EPG5: variants seen among roughly 807,000 people sequenced by gnomAD.
EPG5 encodes ectopic P-granules 5 autophagy tethering factor.
Under a neutral mutation model 302.7 loss-of-function variants are expected in EPG5, and 159 were observed. That is an observed-to-expected ratio of 0.53 (90% CI 0.46 to 0.60). EPG5 has a LOEUF of 0.60. EPG5 is among the 20% of genes least tolerant of loss of function. The probability of loss-of-function intolerance (pLI) is 0.00; values close to 1 mark genes in which losing one functional copy is unlikely to be tolerated. For synonymous variants in EPG5, 1,158 were observed against 1,136.8 expected (o/e 1.02, Z -0.37); for missense variants, 2,896 against 3,092.4 (o/e 0.94, Z 1.51).
chr18:45,841,377 G>C, the EPG5 span, among the ~76,000 whole-genome samples: 1 of 152,314 alleles, frequency 6.6e-6, no homozygotes, highest in South Asian at 2.1e-4. Context: ...GCCCAGAAAG[G>C]AGGCAGGCAT....
chr18:45,935,803 A>G (rs879359253), intron 10 of EPG5, among the ~76,000 whole-genome samples: 2 of 152,174 alleles, frequency 1.3e-5, no homozygotes, highest in African/African-American at 2.4e-5. Context: ...AGGCTTCCAC[A>G]GTATGGCTCT....
rs746885334 is a variant in EPG5 at position 45,917,766 on chromosome 18, G to A, written c.3152C>T (p.Ser1051Leu). 10 of 1,614,104 alleles carry A rather than the reference G, an allele frequency of 6.2e-6. No homozygotes were observed. Among genetic ancestry groups the A allele is most frequent in the Non-Finnish European group, 8.5e-6 (10 of 1,179,966 alleles). Residue 1051 changes from serine to leucine, a missense_variant, in exon 17 of 44, where the codon TCA becomes TTA. This residue lies in a region of EPG5 where 1,390 missense variants were observed against 1,430.0 expected (regional missense o/e 0.97). Coordinates refer to ENST00000282041, the MANE Select transcript of EPG5 (RefSeq NM_020964.3). ...GIPLLGILVQ[S>L]RHLRTVVHVL... The stretch of plus-strand genomic sequence containing the variant: ...ATGAACCACTGTTCTCAAATGTCTT[G>A]ACTGGACCAGAATTCCCAATAGTGG...
chr18:45,954,398 A>T lies in EPG5; in HGVS notation c.1004T>A (p.Val335Glu), dbSNP rs376346776. ...LWQFKEEQMS[V>E]QGICADQVKV... is the part of the protein sequence containing the mutation. ...CCAGGCTTCTGATCAAAATACCTGT[A>T]CAGACATTTGTTCCTCCTTAAACTG... Residue 335 changes from valine (V) to glutamate (E), a missense_variant, in exon 2 of 44, where the codon GTA (valine) becomes GAA (glutamate). This residue lies in a region of EPG5 where 1,390 missense variants were observed against 1,430.0 expected (regional missense o/e 0.97). Coordinates refer to ENST00000282041, the MANE Select transcript of EPG5 (RefSeq NM_020964.3). 3 of 1,602,012 alleles carry T rather than the reference A, an allele frequency of 1.9e-6. No individual in the cohort carries two copies. The African/African-American group carries it at 4.0e-5, about 21-fold the overall frequency.
At chr18:45,918,918 T>C (rs2050090229) in intron 16 of EPG5, among the ~76,000 whole-genome samples, 1 of 152,214 alleles carries the variant, frequency 6.6e-6, no homozygotes, top group African/African-American at 2.4e-5. Flanking sequence ...TTCTGCAGTT[T>C]GGTTATACTG....
Position 45,923,300 on chromosome 18 carries a change from A to G in EPG5, c.2806T>C (p.Tyr936His). The G allele has an allele frequency of 6.2e-7, 1 of 1,614,002 alleles. No individual in the cohort carries two copies. The highest frequency in any genetic ancestry group is 8.5e-7 in the Non-Finnish European group (1 of 1,179,946). Residue 936 changes from tyrosine (Y) to histidine (H), a missense_variant, in exon 15 of 44, where the codon TAT becomes CAT. This residue lies in a region of EPG5 where 1,390 missense variants were observed against 1,430.0 expected (regional missense o/e 0.97). Coordinates refer to ENST00000282041, the MANE Select transcript of EPG5 (RefSeq NM_020964.3). ...AYQKYLAQKP[Y>H]AGILSESMKQ... ...ATACTTTCAGAGAGAATCCCAGCAT[A>G]TGGCTTCTGTGCAAGGTACTTCTGA... is the stretch of plus-strand genomic sequence containing the variant.
At chr18:45,852,792 G>A (rs998078020) in intron 43 of EPG5, 143 bp from the exon 44 acceptor site, 36 of 707,608 alleles carry the variant, frequency 5.1e-5, no homozygotes, top group Middle Eastern at 2.8e-4. Flanking sequence ...CCAGGAGTCC[G>A]GAAGGCAGGC....
chr18:45,842,438 T>A, the EPG5 span: 11 of 497,012 alleles, frequency 2.2e-5, no homozygotes, highest in African/African-American at 1.7e-4. Context: ...TGTGTGTGTG[T>A]GTGTGAGAGA....
At chr18:45,954,235 C>G (rs2050973678) in intron 2 of EPG5, among the ~76,000 whole-genome samples, 159 bp downstream of exon 2, 1 of 152,218 alleles carries the variant, frequency 6.6e-6, no homozygotes, top group Admixed American at 6.5e-5. Flanking sequence ...CCAGCTTATA[C>G]ACCTGGCTCC....
intron 35 of EPG5, among the ~76,000 whole-genome samples, chr18:45,873,367 G>A (rs544401070): frequency 3.1e-4 from 47 of 152,040 alleles, no homozygotes; most frequent in Admixed American, 2.4e-3. Context: ...AAAATCAGCC[G>A]GGTGTGGTGG....
At chr18:45,954,342 T>C (rs920758268) in intron 2 of EPG5, 52 bp downstream of exon 2, 12 of 1,495,816 alleles carry the variant, frequency 8.0e-6, no homozygotes, top group Non-Finnish European at 1.1e-5. Flanking sequence ...CTGGACAACA[T>C]CCCAGGAATA....
chr18:45,888,377 C>G (rs2049264612), intron 28 of EPG5, among the ~76,000 whole-genome samples: 1 of 152,134 alleles, frequency 6.6e-6, no homozygotes, highest in African/African-American at 2.4e-5. Flanking sequence ...AATCTCAGCT[C>G]ACTGCAACCT....
intron 27 of EPG5, among the ~76,000 whole-genome samples, chr18:45,895,983 C>A (rs983808721): frequency 1.3e-5 from 2 of 152,156 alleles, no homozygotes; most frequent in African/African-American, 4.8e-5. Flanking sequence ...CTGAGCAAAA[C>A]GAACAACTTG....
chr18:45,840,725 A>C, the EPG5 span, among the ~76,000 whole-genome samples: 15 of 152,174 alleles, frequency 9.9e-5, no homozygotes, highest in African/African-American at 3.6e-4. Flanking sequence ...AAAGAACTCA[A>C]TTCATAGACC....
the EPG5 span, among the ~76,000 whole-genome samples, chr18:45,807,261 C>G: frequency 6.6e-6 from 1 of 152,166 alleles, no homozygotes; most frequent in South Asian, 2.1e-4. Context: ...ACATGCCTAG[C>G]CCTGCCCCCA....
At chr18:45,949,438 A>C in intron 5 of EPG5, 46 bp downstream of exon 5, 2 of 1,170,292 alleles carry the variant, frequency 1.7e-6, no homozygotes, top group Non-Finnish European at 2.5e-6. Flanking sequence ...ATGTCTAATA[A>C]AACCTCTCCC....
chr18:45,916,131 T>C lies in EPG5; in HGVS notation c.3460A>G (p.Ile1154Val), dbSNP rs900190158. ...TCTCGGTACCAGAGATGCTGGCTTATGAGAGCCTGAACCCAGAACTCCAAC... is the reference window on the plus strand; with the variant it reads ...TCTCGGTACCAGAGATGCTGGCTTACGAGAGCCTGAACCCAGAACTCCAAC... ...AVLEFWVQALISQHLWYREQP... is the reference protein window; with the variant it reads ...AVLEFWVQALVSQHLWYREQP... The change falls in exon 19 of 44, where the codon ATA becomes GTA. Residue 1154 changes from isoleucine (I) to valine (V), a missense_variant. Ile to Val is a conservative substitution (Grantham distance 29). Around this residue, in one of 5 missense-constraint regions of EPG5, gnomAD observed 1,390 missense variants for 1,430.0 expected, o/e 0.97. Transcript: ENST00000282041. 8.1e-6 allele frequency: 13 copies of C among 1,614,152 alleles called. No individual in the cohort carries two copies. In the East Asian group the frequency reaches 2.7e-4, roughly 33 times the overall value.
In EPG5 at chr18:45,899,559, C is replaced by G; in HGVS notation, c.4654G>C (p.Ala1552Pro). Residue 1552 changes from alanine to proline, a missense_variant, in exon 27 of 44, where the codon GCT (alanine) becomes CCT (proline). Around this residue, in one of 5 missense-constraint regions of EPG5, gnomAD observed 790 missense variants for 798.0 expected, o/e 0.99. Coordinates refer to ENST00000282041, the MANE Select transcript of EPG5 (RefSeq NM_020964.3). Reference sequence around the variant, plus strand: ...GCAACCTGCTGAGATTCCCGAAGAGCTGCGGTTCTGAAAAACATCATCAGG... The same window carrying G: ...GCAACCTGCTGAGATTCCCGAAGAGGTGCGGTTCTGAAAAACATCATCAGG... ...NLLQQQARTAALRESQQVALD... is the reference protein window; with the variant it reads ...NLLQQQARTAPLRESQQVALD... 1 of 1,613,964 alleles carries G rather than the reference C, an allele frequency of 6.2e-7. No homozygotes were observed. The highest frequency in any genetic ancestry group is 8.5e-7 in the Non-Finnish European group (1 of 1,179,916).
At chr18:45,891,263 C>T (rs1188248569) in intron 27 of EPG5, among the ~76,000 whole-genome samples, 1 of 151,774 alleles carries the variant, frequency 6.6e-6, no homozygotes, top group African/African-American at 2.4e-5. Flanking sequence ...CTTTGGGAGG[C>T]CGAGGTGCGC....
At position 45,852,657 on chromosome 18, in the gene EPG5, A is replaced by G. The variant is rs759398169; in HGVS notation, c.7558-8T>C. 3 of 1,613,034 alleles carry G rather than the reference A, an allele frequency of 1.9e-6. No individual in the cohort carries two copies. In the Admixed American group the frequency reaches 5.0e-5, roughly 27 times the overall value. On this transcript the variant is annotated splice_region_variant and splice_polypyrimidine_tract_variant and intron_variant, in intron 43 of 43. Coordinates refer to ENST00000282041, the MANE Select transcript of EPG5 (RefSeq NM_020964.3). ...TTCAAGAGCATTCAGAGCCTAAAAG[A>G]CACGGAAGATGAGAGGGTTAACTCC... is the stretch of plus-strand genomic sequence containing the variant.
Sources: gnomAD v4.1 joint callset for allele counts (sites outside exome capture counted in the v4.1 genomes callset) on GRCh38, gnomAD v4.1.1 for gene constraint, gnomAD v4.1.1 regional missense constraint, MANE v1.5 for transcripts, NCBI Gene and HGNC (gene_info 2026-07-23, HGNC 2026-07-21) for gene names.